SH3BP1: variants seen among roughly 807,000 people sequenced by gnomAD.
The protein encoded by SH3BP1 is SH3 domain binding protein 1.
Under a neutral mutation model 69.8 loss-of-function variants are expected in SH3BP1, and 46 were observed. That is an observed-to-expected ratio of 0.66 (90% confidence interval 0.52 to 0.84). SH3BP1 has a LOEUF of 0.84. Among genes scored for constraint, SH3BP1 ranks in the 40% least tolerant of loss-of-function variants. The pLI, the probability that SH3BP1 is intolerant of heterozygous loss-of-function variation, is 0.00. For missense variants in SH3BP1, 868 were observed against 930.9 expected, an observed-to-expected ratio of 0.93 and a Z score of 0.88; for synonymous variants, 403 against 378.0, an observed-to-expected ratio of 1.07 and a Z score of -0.77.
chr22:37,650,329 A>T, intron 15 of SH3BP1, 80 bp downstream of exon 15: 8 of 1,525,148 alleles, frequency 5.2e-6, no homozygotes, highest in Non-Finnish European at 6.2e-6. Context: ...CCACAAACTC[A>T]CCATAAGTCC....
At position 37,648,441 on chromosome 22, in the gene SH3BP1, G is replaced by A. The variant is rs1419451429; in HGVS notation, c.1316+6G>A. ...TGGCCACCTGAGAAAGAAGGGTGAG[G>A]GGCCGCGGGCTGGGGGAGGTGGCAG... On this transcript the variant is annotated splice_donor_region_variant and intron_variant, in intron 14 of 17. Coordinates refer to ENST00000649765, the MANE Select transcript of SH3BP1 (RefSeq NM_018957.6). 1 of 1,544,428 alleles carries A rather than the reference G, an allele frequency of 6.5e-7. No homozygotes were observed. Among genetic ancestry groups the A allele is most frequent in the Non-Finnish European group, 8.8e-7 (1 of 1,135,656 alleles).
intron 3 of SH3BP1, chr22:37,641,876 C>T (rs937534379): frequency 1.9e-5 from 4 of 214,430 alleles, no homozygotes; most frequent in African/African-American, 7.0e-5. Context: ...CAGCTTGTTA[C>T]TAACATATGA....
Position 37,642,474 on chromosome 22 carries a change from G to A in SH3BP1, c.208-65G>A, listed in dbSNP as rs527237972. On this transcript the variant is annotated intron_variant, in intron 3 of 17. Transcript: ENST00000649765. Reference sequence around the variant, plus strand: ...CCTCCTCCCCTGCCCCAAGGGGCTGGCCTGGTGCTCAGGCAGGGTGGAGGG... The same window carrying A: ...CCTCCTCCCCTGCCCCAAGGGGCTGACCTGGTGCTCAGGCAGGGTGGAGGG... The A allele has an allele frequency of 3.9e-6, 6 of 1,558,406 alleles. No individual in the cohort carries two copies. The South Asian group carries it at 4.5e-5, about 12-fold the overall frequency.
intron 6 of SH3BP1, 116 bp from the exon 7 acceptor site, chr22:37,643,528 T>G: frequency 1.4e-6 from 2 of 1,429,164 alleles, no homozygotes; most frequent in Middle Eastern, 1.8e-4. Context: ...CCAGTGGAGC[T>G]CTCAGATCTG....
intron 2 of SH3BP1, 79 bp from the exon 3 acceptor site, chr22:37,641,295 C>T: frequency 2.6e-6 from 4 of 1,517,352 alleles, no homozygotes; most frequent in East Asian, 2.5e-5. Context: ...GCCATGGGGT[C>T]CCCAGGGGAC....
intron 13 of SH3BP1, 57 bp downstream of exon 13, chr22:37,647,578 C>CGGACCCTG (rs1476043834): frequency 7.1e-6 from 10 of 1,416,332 alleles, no homozygotes; most frequent in African/African-American, 2.9e-5. Context: ...GCTGAGGTCA[C>CGGACCCTG]GGACCCTGGG....
intron 9 of SH3BP1, 164 bp from the exon 10 acceptor site, chr22:37,645,201 C>A: frequency 9.9e-7 from 1 of 1,008,740 alleles, no homozygotes. Flanking sequence ...AGGACAGAGG[C>A]AGTGGAGGCG....
At chr22:37,653,951 C>A in intron 17 of SH3BP1, 78 bp downstream of exon 17, 2 of 1,076,104 alleles carry the variant, frequency 1.9e-6, no homozygotes, top group Non-Finnish European at 1.4e-6. Context: ...GTCCTCCTAT[C>A]TTTTTAGGCA....
intron 17 of SH3BP1, among the ~76,000 whole-genome samples, chr22:37,654,968 C>A (rs531096752): frequency 6.9e-6 from 1 of 144,482 alleles, no homozygotes; most frequent in Non-Finnish European, 1.5e-5. Context: ...TTTAAAAATT[C>A]AAAATAAATG....
chr22:37,646,571 T>A (rs1932788606), intron 10 of SH3BP1, among the ~76,000 whole-genome samples: 1 of 152,222 alleles, frequency 6.6e-6, no homozygotes, highest in Non-Finnish European at 1.5e-5. Context: ...CTTCCACTTC[T>A]GACTGGGCTT....
In SH3BP1 at chr22:37,650,627, G is replaced by A. The variant is rs376533696; in HGVS notation, c.1500G>A (p.Pro500=). The A allele has an allele frequency of 2.7e-5, 44 of 1,613,950 alleles. No individual in the cohort carries two copies. The highest frequency in any genetic ancestry group is 1.7e-4 in the Middle Eastern group (1 of 6,060). ...ACAGGCTGGCCTCTGAGGAACTTCCGTCCACTGCCGTGCCCACCCCAGCCA... is the reference window on the plus strand; with the variant it reads ...ACAGGCTGGCCTCTGAGGAACTTCCATCCACTGCCGTGCCCACCCCAGCCA... ...VSDRLASEEL[P]STAVPTPATT... The change falls in exon 16 of 18, where the codon CCG becomes CCA. Residue 500 remains proline, a synonymous_variant. Transcript: ENST00000649765.
chr22:37,644,582 C>T (rs960551698), intron 7 of SH3BP1, 55 bp from the exon 8 acceptor site: 4 of 1,562,280 alleles, frequency 2.6e-6, no homozygotes, highest in African/African-American at 1.4e-5. Context: ...CCTCCTCTTC[C>T]CCTCTAGACC....
rs1178322144 is a variant in SH3BP1 at position 37,643,685 on chromosome 22, T to G, written c.515T>G (p.Leu172Arg). The G allele has an allele frequency of 6.2e-7, 1 of 1,613,882 alleles. No individual in the cohort carries two copies. The highest frequency in any genetic ancestry group is 8.5e-7 in the Non-Finnish European group (1 of 1,180,006). The change falls in exon 7 of 18, where the codon CTA (leucine) becomes CGA (arginine). Residue 172 changes from leucine to arginine, a missense_variant. Physicochemically the swap from Leu to Arg is moderately radical, Grantham distance 102 (BLOSUM62 -2). Transcript: ENST00000649765. ...AAGAATTCAGGCAGCAGTCAAGGCC[T>G]AGGAGGCAGCCCGGGTAGTCACAGC... Reference protein sequence around the residue: ...ATKNSGSSQGLGGSPGSHSHT... With the variant: ...ATKNSGSSQGRGGSPGSHSHT...
Position 37,655,979 on chromosome 22 carries a change from G to A in SH3BP1, c.*295G>A. The A allele has an allele frequency of 6.5e-7, 1 of 1,531,196 alleles. No homozygotes were observed. The allele number at this position is 1,531,196 out of a possible 1,614,324, so 94.9% of individuals were successfully genotyped here. A position where few individuals can be genotyped will look rare whatever the true frequency, so the allele number is the denominator to read the frequency against. On this transcript the variant is annotated 3_prime_UTR_variant, in exon 18 of 18. Coordinates refer to ENST00000649765, the MANE Select transcript of SH3BP1 (RefSeq NM_018957.6). ...GAGGTTTGCCTGCTCCTACGGGACT[G>A]ATTCTTCTCTTGCCGACATGTTTTT... is the stretch of plus-strand genomic sequence containing the variant.
intron 10 of SH3BP1, 30 bp downstream of exon 10, chr22:37,645,540 A>C (rs762664903): frequency 1.5e-5 from 24 of 1,588,416 alleles, no homozygotes; most frequent in Non-Finnish European, 2.1e-5. Context: ...GTGGGGAAGG[A>C]GCACTGGGGC....
Position 37,650,213 on chromosome 22 carries a change from G to A in SH3BP1, c.1378G>A (p.Ala460Thr). The A allele has an allele frequency of 6.2e-7, 1 of 1,613,606 alleles. No individual in the cohort carries two copies. The highest frequency in any genetic ancestry group is 2.2e-5 in the East Asian group (1 of 44,872). ...SSIQVVGVVE[A>T]LIQSADTLFP... ...CATCCAGGTGGTGGGCGTCGTCGAG[G>A]CGCTGATCCAGAGCGCAGACACCCT... The change falls in exon 15 of 18, where the codon GCG becomes ACG. Residue 460 changes from alanine to threonine, a missense_variant. By Grantham distance (58) the Ala-to-Thr change is moderately conservative (BLOSUM62 0). Around this residue, in one of 3 missense-constraint regions of SH3BP1, gnomAD observed 474 missense variants for 462.3 expected, o/e 1.03. Coordinates refer to ENST00000649765, the MANE Select transcript of SH3BP1 (RefSeq NM_018957.6).
rs1472158275 is a variant in SH3BP1, at chr22:37,642,542, A to G, written c.211A>G (p.Lys71Glu). The G allele has an allele frequency of 1.2e-6, 2 of 1,612,926 alleles. No homozygotes were observed. ...GCCGGCCCCACCCTCCCTGCAGAAG[A>G]AGCTTCCCCTCATGGCTCTGTCCAC... ...SGADMDKRVK[K>E]LPLMALSTTM... Residue 71 changes from lysine (K) to glutamate (E), a missense_variant, in exon 4 of 18, where the codon AAG (lysine) becomes GAG (glutamate). Physicochemically the swap from Lys to Glu is moderately conservative, Grantham distance 56. Coordinates refer to ENST00000649765, the MANE Select transcript of SH3BP1 (RefSeq NM_018957.6).
chr22:37,647,069 T>C (rs1932797657), intron 11 of SH3BP1, 140 bp downstream of exon 11: 1 of 732,658 alleles, frequency 1.4e-6, no homozygotes, highest in South Asian at 1.8e-5. Context: ...GTGGGGTCCA[T>C]CATGAGCCCC....
Position 37,643,767 on chromosome 22 carries a change from G to A in SH3BP1, c.597G>A (p.Lys199=), listed in dbSNP as rs2146049324. 1.9e-6 allele frequency: 3 copies of A among 1,613,510 alleles called. No individual in the cohort carries two copies. Among genetic ancestry groups the A allele is most frequent in the Non-Finnish European group, 2.5e-6 (3 of 1,179,994 alleles). The change falls in exon 7 of 18, where the codon AAG becomes AAA. Residue 199 remains lysine, a synonymous_variant. Transcript: ENST00000649765. ...ETLKEEEEEL[K]RKVEQCRDEY... is the part of the protein sequence containing the mutation. ...TGAAGGAGGAGGAGGAGGAGCTGAA[G>A]AGGAAAGTGGAGCAATGCAGGGTGA...
Sources: gnomAD v4.1 joint callset for allele counts (sites outside exome capture counted in the v4.1 genomes callset) on GRCh38, gnomAD v4.1.1 for gene constraint, gnomAD v4.1.1 regional missense constraint, MANE v1.5 for transcripts, NCBI Gene and HGNC (gene_info 2026-07-23, HGNC 2026-07-21) for gene names.